The following NBAS variants were observed in gnomAD, a reference collection of about 807,000 sequenced individuals.
NBAS encodes NBAS subunit of NRZ tethering complex.
A neutral mutation model predicts 302.5 loss-of-function variants in NBAS; 219 were observed. The observed-to-expected ratio is 0.72, with a 90% confidence interval of 0.65 to 0.81. The LOEUF is 0.81. Among genes scored for constraint, NBAS ranks in the 30% least tolerant of loss-of-function variants. The pLI, the probability that NBAS is intolerant of heterozygous loss-of-function variation, is 0.00. For synonymous variants in NBAS, 1,118 were observed against 1,021.6 expected (o/e 1.09, Z -1.80); for missense variants, 2,932 against 2,841.6 (o/e 1.03, Z -0.72).
chr2:14,953,261 A>G, the NBAS span, among the ~76,000 whole-genome samples: 1 of 152,182 alleles, frequency 6.6e-6, no homozygotes, highest in African/African-American at 2.4e-5. Flanking sequence ...AGCATGGTGA[A>G]CTGTATCAGG....
the NBAS span, among the ~76,000 whole-genome samples, chr2:14,975,809 G>A: frequency 1.3e-3 from 195 of 150,170 alleles, no homozygotes; most frequent in African/African-American, 4.5e-3. Context: ...CTCAGCCATT[G>A]TTTCATCATG....
intron 48 of NBAS, among the ~76,000 whole-genome samples, chr2:15,217,363 CTCTTCAT>C (rs1666698176): frequency 6.6e-6 from 1 of 152,132 alleles, no homozygotes; most frequent in Non-Finnish European, 1.5e-5. Context: ...TAGTATTGAC[CTCTTCAT>C]CTCACAGAGG....
At chr2:15,012,537 C>T in the NBAS span, among the ~76,000 whole-genome samples, 1 of 152,042 alleles carries the variant, frequency 6.6e-6, no homozygotes, top group African/African-American at 2.4e-5. Flanking sequence ...GATGGACATC[C>T]AGATCTAGAA....
intron 28 of NBAS, among the ~76,000 whole-genome samples, chr2:15,387,635 A>ATTT (rs112344539): frequency 6.7e-6 from 1 of 149,836 alleles, no homozygotes; most frequent in Non-Finnish European, 1.5e-5. Context: ...TCATCTGGAA[A>ATTT]TTATTTTTTT....
chr2:15,188,448 T>C (rs1280578241), intron 49 of NBAS, among the ~76,000 whole-genome samples: 1 of 152,218 alleles, frequency 6.6e-6, no homozygotes, highest in Admixed American at 6.5e-5. Flanking sequence ...AGCACCTGTT[T>C]GTAAAGTATC....
intron 51 of NBAS, chr2:15,178,215 T>C (rs921281973): frequency 4.3e-6 from 2 of 463,864 alleles, no homozygotes; most frequent in African/African-American, 4.0e-5. Context: ...TATATATGTA[T>C]ATATACAATG....
At chr2:15,428,489 G>A (rs1235231145) in intron 21 of NBAS, among the ~76,000 whole-genome samples, 3 of 152,134 alleles carry the variant, frequency 2.0e-5, no homozygotes, top group Non-Finnish European at 2.9e-5. Context: ...CAACACTTTA[G>A]GAAGCCAAGG....
chr2:15,126,953 C>T, the NBAS span, among the ~76,000 whole-genome samples: 2 of 152,170 alleles, frequency 1.3e-5, no homozygotes, highest in African/African-American at 2.4e-5. Flanking sequence ...ACACACAAAA[C>T]TGAGAATTGA....
the NBAS span, among the ~76,000 whole-genome samples, chr2:15,043,431 C>T: frequency 6.6e-6 from 1 of 152,160 alleles, no homozygotes; most frequent in East Asian, 1.9e-4. Context: ...TTGAGCATGT[C>T]ACATTTCTGC....
the NBAS span, among the ~76,000 whole-genome samples, chr2:14,927,391 G>A: frequency 3.3e-5 from 5 of 152,272 alleles, no homozygotes; most frequent in East Asian, 1.9e-4. Context: ...CTAAGCATAT[G>A]TCAACATTTC....
intron 9 of NBAS, among the ~76,000 whole-genome samples, chr2:15,526,663 A>G (rs1662926683): frequency 6.6e-6 from 1 of 152,196 alleles, no homozygotes; most frequent in Non-Finnish European, 1.5e-5. Flanking sequence ...AACAATCTTC[A>G]TTCAGAAACA....
the NBAS span, among the ~76,000 whole-genome samples, chr2:15,102,544 T>G: frequency 1.6e-3 from 248 of 152,308 alleles, no homozygotes; most frequent in African/African-American, 5.6e-3. Context: ...TACCCAATAA[T>G]GAGCTCCTAA....
the NBAS span, among the ~76,000 whole-genome samples, chr2:15,139,342 C>A: frequency 1.3e-5 from 2 of 152,210 alleles, no homozygotes. Context: ...CCCGATTTCA[C>A]AAATAGTCTT....
At chr2:15,309,602 T>C (rs925993163) in intron 38 of NBAS, among the ~76,000 whole-genome samples, 1 of 152,172 alleles carries the variant, frequency 6.6e-6, no homozygotes, top group Non-Finnish European at 1.5e-5. Context: ...TTAGCTAATA[T>C]GGAGGGTGAT....
At chr2:15,017,729 AC>A in the NBAS span, among the ~76,000 whole-genome samples, 2 of 152,098 alleles carry the variant, frequency 1.3e-5, no homozygotes, top group African/African-American at 4.8e-5. Flanking sequence ...ACAATGGAAA[AC>A]AGTAGAGAGG....
At chr2:15,180,257 T>C (rs1664757839) in intron 50 of NBAS, 1 of 152,236 alleles carries the variant, frequency 6.6e-6, no homozygotes. Context: ...ACCCAGCATG[T>C]CTGCTCTTGA....
At chr2:14,817,944 C>T in the NBAS span, among the ~76,000 whole-genome samples, 2 of 151,990 alleles carry the variant, frequency 1.3e-5, no homozygotes, top group African/African-American at 2.4e-5. Context: ...ATGTGAGGTT[C>T]GCTATTCTCC....
Position 15,232,330 on chromosome 2 carries a change from C to T in NBAS, c.6236+92G>A, listed in dbSNP as rs191117862. The stretch of plus-strand genomic sequence containing the variant: ...TTCCCACCTAAAAATGTGGCTTAGT[C>T]TTGGAAGCCTCATACATACGGATAC... On this transcript the variant is annotated intron_variant, in intron 47 of 51. Transcript: ENST00000281513. 2.2e-3 allele frequency: 2,704 copies of T among 1,250,158 alleles called. 5 individuals carry two copies. Among genetic ancestry groups the T allele is most frequent in the Non-Finnish European group, 2.8e-3 (2,455 of 868,436 alleles). 77.4% of individuals were successfully genotyped at this position (1,250,158 alleles called of 1,614,324 possible).
intron 35 of NBAS, among the ~76,000 whole-genome samples, chr2:15,334,777 T>C (rs143923320): frequency 1.1e-3 from 164 of 152,332 alleles, no homozygotes; most frequent in African/African-American, 3.8e-3. Flanking sequence ...CAACTTTTCA[T>C]TGATGTGTAA....
Sources: allele counts gnomAD v4.1 joint callset (sites outside exome capture counted in the v4.1 genomes callset), GRCh38; gene constraint gnomAD v4.1.1; transcripts MANE v1.5; gene names NCBI Gene and HGNC (gene_info 2026-07-23, HGNC 2026-07-21).